Variants in SPTBN4 observed in about 807,000 individuals in gnomAD.
SPTBN4 encodes the protein spectrin beta chain, non-erythrocytic 4.
Under a neutral mutation model 277.8 loss-of-function variants are expected in SPTBN4, and 96 were observed. That is an observed-to-expected ratio of 0.35 (90% CI 0.29 to 0.41). The LOEUF (loss-of-function observed/expected upper bound fraction) is 0.41. Ranked by LOEUF, SPTBN4 falls within the 10% of genes least tolerant of loss-of-function variation. The probability of loss-of-function intolerance (pLI) is 1.00; values close to 1 mark genes in which losing one functional copy is unlikely to be tolerated. For synonymous variants in SPTBN4, 1,481 were observed against 1,580.3 expected (o/e 0.94, Z 1.49); for missense variants, 3,006 against 3,595.7 (o/e 0.84, Z 4.19).
At chr19:40,489,929 G>C in intron 3 of SPTBN4, 146 bp from the exon 4 acceptor site, 1 of 756,856 alleles carries the variant, frequency 1.3e-6, no homozygotes, top group Non-Finnish European at 2.1e-6. Context: ...CCTGTGTCTT[G>C]GATAAAACGA....
Position 40,493,029 on chromosome 19 carries a change from T to C in SPTBN4, c.562T>C (p.Leu188=), listed in dbSNP as rs1333040905. The part of the protein sequence containing the change: ...ETRSAKDALL[L]WCQMKTAGYP... ...ACGCTCAGCCAAGGATGCTCTGCTC[T>C]TGTGGTGTCAGATGAAGACAGCTGG... The change falls in exon 5 of 36, where the codon TTG becomes CTG. Residue 188 remains leucine (L), a synonymous_variant. Transcript: ENST00000598249. The C allele has an allele frequency of 1.2e-6, 2 of 1,614,080 alleles. No individual in the cohort carries two copies. The highest frequency in any genetic ancestry group is 1.1e-5 in the South Asian group (1 of 91,068).
At chr19:40,517,421 T>C (rs1210665642) in intron 15 of SPTBN4, among the ~76,000 whole-genome samples, 2 of 151,952 alleles carry the variant, frequency 1.3e-5, no homozygotes, top group African/African-American at 4.8e-5. Flanking sequence ...CTCAGCCTCT[T>C]GAGTAGTGGG....
chr19:40,468,185 C>A (rs987217434), intron 1 of SPTBN4, among the ~76,000 whole-genome samples: 5 of 151,680 alleles, frequency 3.3e-5, no homozygotes, highest in African/African-American at 1.2e-4. Flanking sequence ...TCAAGCAGTT[C>A]TCCTGCCTCA....
intron 15 of SPTBN4, among the ~76,000 whole-genome samples, chr19:40,517,689 A>T (rs1279927417): frequency 6.6e-6 from 1 of 152,220 alleles, no homozygotes; most frequent in East Asian, 1.9e-4. Context: ...ATCCAGGCCT[A>T]AAAAAATAAC....
chr19:40,544,294 C>T (rs2080833994), intron 20 of SPTBN4, among the ~76,000 whole-genome samples: 2 of 151,738 alleles, frequency 1.3e-5, no homozygotes, highest in Non-Finnish European at 2.9e-5. Flanking sequence ...AGGCGCCTGC[C>T]ACAATGCCCG....
chr19:40,508,810 G>A (rs1372102416), intron 13 of SPTBN4, among the ~76,000 whole-genome samples: 1 of 152,050 alleles, frequency 6.6e-6, no homozygotes, highest in Admixed American at 6.6e-5. Flanking sequence ...CAGAATATGG[G>A]GGTGACTAGG....
Position 40,567,985 on chromosome 19 carries a change from C to A in SPTBN4, c.6659C>A (p.Thr2220Asn), listed in dbSNP as rs922299332. 3 of 1,499,664 alleles carry A rather than the reference C, an allele frequency of 2.0e-6. No homozygotes were observed. Among genetic ancestry groups the A allele is most frequent in the Non-Finnish European group, 2.7e-6 (3 of 1,130,302 alleles). The allele number at this position is 1,499,664 out of a possible 1,614,324, so 92.9% of individuals were successfully genotyped here. A position where few individuals can be genotyped will look rare whatever the true frequency, so the allele number is the denominator to read the frequency against. ...APEDAAETPA[T>N]PAAAEQVRPR... is the part of the protein sequence containing the mutation. Reference sequence around the variant, plus strand: ...GAGGACGCGGCGGAGACCCCCGCGACCCCCGCGGCGGCGGAGCAGGTGCGG... The same window carrying A: ...GAGGACGCGGCGGAGACCCCCGCGAACCCCGCGGCGGCGGAGCAGGTGCGG... Residue 2220 changes from threonine to asparagine, a missense_variant, in exon 31 of 36, where the codon ACC becomes AAC. Transcript: ENST00000598249.
intron 20 of SPTBN4, among the ~76,000 whole-genome samples, chr19:40,548,542 C>A (rs905268697): frequency 6.6e-6 from 1 of 151,486 alleles, no homozygotes; most frequent in Non-Finnish European, 1.5e-5. Context: ...ATGGTGAAAC[C>A]CCATCTCTAC....
rs1568382022 is a variant in SPTBN4, at chr19:40,569,961, C to CACACACACACACACACACACAG, written c.7026+248_7026+249insCACACACAGACACACACACACA. 1.3e-3 allele frequency among the ~76,000 whole-genome samples: 190 copies of CACACACACACACACACACACAG among 145,812 alleles called. 1 individual carries two copies. The highest frequency in any genetic ancestry group is 4.7e-3 in the African/African-American group (180 of 37,924). On this transcript the variant is annotated intron_variant, in intron 32 of 35. Coordinates refer to ENST00000598249, the MANE Select transcript of SPTBN4 (RefSeq NM_020971.3). ...CCACACACACACACACACACACACA[C>CACACACACACACACACACACAG]ACACACACACACAGACACACACACA... is the stretch of plus-strand genomic sequence containing the variant.
intron 20 of SPTBN4, among the ~76,000 whole-genome samples, chr19:40,540,179 G>A (rs1203036618): frequency 6.7e-6 from 1 of 150,152 alleles, no homozygotes; most frequent in Non-Finnish European, 1.5e-5. Flanking sequence ...CGCCCGCCTC[G>A]GCCTCCCAAA....
intron 17 of SPTBN4, 89 bp downstream of exon 17, chr19:40,523,728 C>A: frequency 8.4e-7 from 1 of 1,186,060 alleles, no homozygotes; most frequent in Non-Finnish European, 1.2e-6. Flanking sequence ...GGGTCCCACT[C>A]CTTTCATCAC....
chr19:40,546,238 A>AAAAG (rs1275625822), intron 20 of SPTBN4, among the ~76,000 whole-genome samples: 1 of 151,294 alleles, frequency 6.6e-6, no homozygotes, highest in Non-Finnish European at 1.5e-5. Context: ...AAAAAAAAAA[A>AAAAG]AAAGAAAGAA....
Position 40,523,319 on chromosome 19 carries a change from A to G in SPTBN4, c.3655-118A>G, listed in dbSNP as rs926172922. On this transcript the variant is annotated intron_variant, in intron 16 of 35. Transcript: ENST00000598249. ...GCAACAGCCCCGAGGTGGGACCACA[A>G]CTGGAATGTTCTATGCTTGCAAGGT... The G allele has an allele frequency of 2.3e-5, 23 of 994,360 alleles. No individual in the cohort carries two copies. In the Admixed American group the frequency reaches 4.9e-4, roughly 21 times the overall value. The allele number at this position is 994,360 out of a possible 1,614,324, so 61.6% of individuals were successfully genotyped here.
chr19:40,558,241 C>T (rs1487024075), intron 26 of SPTBN4, among the ~76,000 whole-genome samples: 1 of 151,678 alleles, frequency 6.6e-6, no homozygotes, highest in South Asian at 2.1e-4. Context: ...CCTGTAATCC[C>T]AGCTACACAG....
In SPTBN4 at chr19:40,471,905, A is replaced by ATT. The variant is rs34333509; in HGVS notation, c.-15-681_-15-680dup. Among the ~76,000 whole-genome samples the ATT allele has an allele frequency of 1.9e-3, 207 of 109,304 alleles. 2 individuals carry two copies. Among genetic ancestry groups the ATT allele is most frequent in the Non-Finnish European group, 2.5e-3 (137 of 53,754 alleles). 71.7% of individuals were successfully genotyped at this position (109,304 alleles called of 152,430 possible). ...AGGCACGTTGCCACCACATCCAGCT[A>ATT]TTTTTTTTTTTTTTTTTTTTTTGAG... is the stretch of plus-strand genomic sequence containing the variant. On this transcript the variant is annotated intron_variant, in intron 1 of 35. Transcript: ENST00000598249.
chr19:40,544,256 C>T (rs2080833292), intron 20 of SPTBN4, among the ~76,000 whole-genome samples: 1 of 151,672 alleles, frequency 6.6e-6, no homozygotes. Flanking sequence ...AATTCTCCTG[C>T]CTCAGCCTCC....
Position 40,554,576 on chromosome 19 carries a change from AACT to A in SPTBN4, c.5017_5019del (p.Tyr1673del). 6.5e-7 allele frequency: 1 copy of A among 1,533,756 alleles called. No homozygotes were observed. ...CCTGCAGCTGGAGCAAGGCGTGGAG[AACT>A]ACGAGGAAAGCATCGCGCAGCTGTC... On this transcript the variant is annotated inframe_deletion, in exon 24 of 36. Transcript: ENST00000598249. This position sits in a 1 kb window ranked among gnomAD's most constrained non-coding sequence, Gnocchi z 5.7.
intron 24 of SPTBN4, among the ~76,000 whole-genome samples, chr19:40,555,504 A>AAAAAG (rs1568373014): frequency 8.6e-5 from 13 of 150,744 alleles, no homozygotes; most frequent in African/African-American, 3.2e-4. Flanking sequence ...AAAAAAAAAA[A>AAAAAG]AAAAGAAAAG....
chr19:40,522,025 T>C (rs1379343856), intron 16 of SPTBN4, among the ~76,000 whole-genome samples: 1 of 151,902 alleles, frequency 6.6e-6, no homozygotes, highest in Non-Finnish European at 1.5e-5. Flanking sequence ...CAGTACCCAG[T>C]TTAGTTGTCT....
Sources: allele counts gnomAD v4.1 joint callset (sites outside exome capture counted in the v4.1 genomes callset), GRCh38; gene constraint gnomAD v4.1.1; non-coding constraint Gnocchi (gnomAD v3.1); transcripts MANE v1.5; gene names NCBI Gene and HGNC (gene_info 2026-07-23, HGNC 2026-07-21).